Variants in CLPX observed in about 807,000 individuals in gnomAD.
CLPX encodes caseinolytic mitochondrial matrix peptidase chaperone subunit X, also known as ATP-dependent clpX-like chaperone, mitochondrial.
A neutral mutation model predicts 76.4 loss-of-function variants in CLPX; 34 were observed. The observed-to-expected ratio is 0.45, with a 90% confidence interval of 0.34 to 0.59. The LOEUF is 0.59. Ranked by LOEUF, CLPX falls within the 20% of genes least tolerant of loss-of-function variation. CLPX has a pLI of 0.01. For missense variants in CLPX, 613 were observed against 757.0 expected (o/e 0.81, Z 2.23); for synonymous variants, 248 against 270.9 (o/e 0.92, Z 0.83).
Position 65,148,472 on chromosome 15 carries a change from G to A in CLPX, c.*2351C>T, listed in dbSNP as rs577303643. 1.3e-5 allele frequency: 2 copies of A among 152,204 alleles called. No homozygotes were observed. Among genetic ancestry groups the A allele is most frequent in the South Asian group, 2.1e-4 (1 of 4,824 alleles). 9.4% of individuals were successfully genotyped at this position (152,204 alleles called of 1,614,324 possible). ...AAGATAATGAACAAAGTTATAATAT[G>A]TAAGACTTCCTGGGAAGAACTTGAA... is the stretch of plus-strand genomic sequence containing the variant. On this transcript the variant is annotated 3_prime_UTR_variant, in exon 14 of 14. Transcript: ENST00000300107.
rs771233943 is a variant in CLPX at position 65,154,964 on chromosome 15, G to A, written c.1429C>T (p.Arg477Trp). 34 of 1,613,914 alleles carry A rather than the reference G, an allele frequency of 2.1e-5. No individual in the cohort carries two copies. The highest frequency in any genetic ancestry group is 1.5e-4 in the African/African-American group (11 of 74,872). ...NTHQDIEEKD[R>W]LLRHVEARDL... The stretch of plus-strand genomic sequence containing the variant: ...CTGGCTTCCACATGACGCAATAACC[G>A]ATCTTTTTCTTCAATGTCTTGGTGA... The change falls in exon 11 of 14, where the codon CGG (arginine) becomes TGG (tryptophan). Residue 477 changes from arginine to tryptophan, a missense_variant. Arg to Trp is a moderately radical substitution (Grantham distance 101). Around this residue, in one of 2 missense-constraint regions of CLPX, gnomAD observed 450 missense variants for 638.6 expected, o/e 0.70. Coordinates refer to ENST00000300107, the MANE Select transcript of CLPX (RefSeq NM_006660.5).
intron 11 of CLPX, among the ~76,000 whole-genome samples, chr15:65,154,080 G>A (rs2087757777): frequency 6.6e-6 from 1 of 152,178 alleles, no homozygotes; most frequent in African/African-American, 2.4e-5. Context: ...AAGCAAGGGA[G>A]TAAAAACATT....
chr15:65,157,984 T>G, intron 7 of CLPX, 74 bp from the exon 8 acceptor site: 1 of 1,282,830 alleles, frequency 7.8e-7, no homozygotes, highest in Non-Finnish European at 1.1e-6. Context: ...AAATGCAAAA[T>G]AAATTTTAGT....
At chr15:65,184,282 C>G (rs539303765) in intron 1 of CLPX, 167 of 152,356 alleles carry the variant, frequency 1.1e-3, no homozygotes, top group African/African-American at 3.0e-3. Context: ...TTTCCAGACT[C>G]TCTTGGCTGG....
chr15:65,152,442 G>T lies in CLPX; in HGVS notation c.1799C>A (p.Pro600Gln). 1 of 1,532,386 alleles carries T rather than the reference G, an allele frequency of 6.5e-7. No individual in the cohort carries two copies. The highest frequency in any genetic ancestry group is 8.8e-7 in the Non-Finnish European group (1 of 1,135,126). The allele number at this position is 1,532,386 out of a possible 1,614,324, so 94.9% of individuals were successfully genotyped here. A position where few individuals can be genotyped will look rare whatever the true frequency, so the allele number is the denominator to read the frequency against. Residue 600 changes from proline to glutamine, a missense_variant, in exon 13 of 14, where the codon CCA becomes CAA. Physicochemically the swap from Pro to Gln is moderately conservative, Grantham distance 76. Transcript: ENST00000300107. ...AAATACACTTTACCGGATGTATCCT[G>T]GTTCCTTTTTTCCTTCTACTACTTC... ...DKEVVEGKKE[P>Q]GYIRAPTKES...
intron 3 of CLPX, among the ~76,000 whole-genome samples, chr15:65,175,412 C>T (rs2140644169): frequency 6.6e-6 from 1 of 152,244 alleles, no homozygotes; most frequent in Middle Eastern, 3.4e-3. Flanking sequence ...GAGGCTGGCA[C>T]TTGAATCCAG....
At position 65,180,147 on chromosome 15, in the gene CLPX, G is replaced by C; in HGVS notation, c.137C>G (p.Thr46Ser). Residue 46 changes from threonine to serine, a missense_variant, in exon 2 of 14, where the codon ACT becomes AGT. Around this residue, in one of 2 missense-constraint regions of CLPX, gnomAD observed 163 missense variants for 118.4 expected, o/e 1.38. Transcript: ENST00000300107. The stretch of plus-strand genomic sequence containing the variant: ...AAGAGGAGCTCTTTGCAGAATCTGA[G>C]TTTCAAATGTCCCAAGCCTTCCTAA... Reference protein sequence around the residue: ...SVLGRLGTFETQILQRAPLRS... With the variant: ...SVLGRLGTFESQILQRAPLRS... 1 of 1,612,488 alleles carries C rather than the reference G, an allele frequency of 6.2e-7. No homozygotes were observed. The highest frequency in any genetic ancestry group is 8.5e-7 in the Non-Finnish European group (1 of 1,179,062).
At chr15:65,173,199 G>A (rs1000246228) in intron 3 of CLPX, among the ~76,000 whole-genome samples, 1 of 151,868 alleles carries the variant, frequency 6.6e-6, no homozygotes, top group African/African-American at 2.4e-5. Context: ...GTGAAATCTT[G>A]TCTCTACTAA....
rs2087796499 is a variant in CLPX at position 65,156,892 on chromosome 15, C to T, written c.1098G>A (p.Val366=). Reference sequence around the variant, plus strand: ...CATCCCGTAATTGATGAATGCCTGGCACACTGCCAATCTTATCTACTTCAT... The same window carrying T: ...CATCCCGTAATTGATGAATGCCTGGTACACTGCCAATCTTATCTACTTCAT... The part of the protein sequence containing the change: ...FLDEVDKIGS[V]PGIHQLRDVG... The change falls in exon 9 of 14, where the codon GTG becomes GTA. Residue 366 remains valine (V), a synonymous_variant. Coordinates refer to ENST00000300107, the MANE Select transcript of CLPX (RefSeq NM_006660.5). 1.5e-5 allele frequency: 24 copies of T among 1,613,206 alleles called. No homozygotes were observed. The highest frequency in any genetic ancestry group is 2.0e-5 in the Non-Finnish European group (24 of 1,179,602).
chr15:65,171,894 A>C (rs1267150208), intron 3 of CLPX, among the ~76,000 whole-genome samples: 1 of 152,254 alleles, frequency 6.6e-6, no homozygotes, highest in African/African-American at 2.4e-5. Context: ...ACAATTTTAC[A>C]CTGACATATT....
intron 3 of CLPX, among the ~76,000 whole-genome samples, chr15:65,168,383 C>CAAAAAAAAAAAAAAA (rs71136319): frequency 2.8e-5 from 1 of 35,660 alleles, no homozygotes; most frequent in Non-Finnish European, 4.5e-5. Context: ...GACTCTGTCT[C>CAAAAAAAAAAAAAAA]AAAAAAAAAA....
chr15:65,156,665 T>C (rs768011137), intron 9 of CLPX, 179 bp downstream of exon 9: 6 of 431,354 alleles, frequency 1.4e-5, no homozygotes, highest in Non-Finnish European at 2.1e-5. Context: ...TAATTTGTTA[T>C]TTCAAATTGT....
chr15:65,183,572 G>A (rs2088211406), intron 1 of CLPX, among the ~76,000 whole-genome samples: 1 of 149,628 alleles, frequency 6.7e-6, no homozygotes, highest in African/African-American at 2.5e-5. Flanking sequence ...AAGGAAGGAA[G>A]GAAGGAAGGA....
In CLPX at chr15:65,180,086, T is replaced by C; in HGVS notation, c.198A>G (p.Ser66=). The C allele has an allele frequency of 6.2e-7, 1 of 1,611,506 alleles. No homozygotes were observed. Among genetic ancestry groups the C allele is most frequent in the Non-Finnish European group, 8.5e-7 (1 of 1,178,712 alleles). Residue 66 remains serine (S), a synonymous_variant, in exon 2 of 14, where the codon TCA becomes TCG. Transcript: ENST00000300107. The stretch of plus-strand genomic sequence containing the variant: ...AACCATCTTTACTTATCCCATCTTT[T>C]GAGGCAAAGTATGCTGGTGTTTCTG... ...SFTETPAYFA[S]KDGISKDGSG...
Position 65,150,725 on chromosome 15 carries a change from A to C in CLPX, c.*98T>G, listed in dbSNP as rs73475043. On this transcript the variant is annotated 3_prime_UTR_variant, in exon 14 of 14. Transcript: ENST00000300107. ...GCTTCTCTGACCATGTATGATATCC[A>C]AGATAGATCCAATGCCTTTAATATC... The C allele has an allele frequency of 1.9e-3, 1,377 of 743,450 alleles. 9 individuals carry two copies. In the African/African-American group the frequency reaches 0.021, roughly 11 times the overall value. 46.1% of individuals were successfully genotyped at this position (743,450 alleles called of 1,614,324 possible). A position where few individuals can be genotyped will look rare whatever the true frequency, so the allele number is the denominator to read the frequency against.
rs575226834 is a variant in CLPX, at chr15:65,170,444, G to GA, written c.359-3660dup. 2.0e-3 allele frequency among the ~76,000 whole-genome samples: 308 copies of GA among 152,038 alleles called. 1 individual carries two copies. Among genetic ancestry groups the GA allele is most frequent in the African/African-American group, 6.6e-3 (273 of 41,488 alleles). Reference sequence around the variant, plus strand: ...TACGTCTTTACAAACTAATCTAAATGAAAAAAGTAGACAATTCCATATTAA... The same window carrying GA: ...TACGTCTTTACAAACTAATCTAAATGAAAAAAAGTAGACAATTCCATATTAA... On this transcript the variant is annotated intron_variant, in intron 3 of 13. Coordinates refer to ENST00000300107, the MANE Select transcript of CLPX (RefSeq NM_006660.5).
chr15:65,182,113 C>A (rs1466161563), intron 1 of CLPX, among the ~76,000 whole-genome samples: 3 of 138,592 alleles, frequency 2.2e-5, no homozygotes, highest in Non-Finnish European at 4.6e-5. Flanking sequence ...ACAGAGTCTC[C>A]GTCTCAAAAA....
intron 5 of CLPX, among the ~76,000 whole-genome samples, chr15:65,163,506 C>A (rs1483520403): frequency 1.3e-5 from 2 of 151,898 alleles, no homozygotes; most frequent in African/African-American, 4.8e-5. Flanking sequence ...GTCTGGCCAA[C>A]AAAACAAAAA....
intron 13 of CLPX, among the ~76,000 whole-genome samples, chr15:65,151,138 A>AG (rs2087713768): frequency 6.6e-6 from 1 of 152,038 alleles, no homozygotes; most frequent in South Asian, 2.1e-4. Context: ...TGAGGTCAGG[A>AG]GTTCGAGACC....
Sources: gnomAD v4.1 joint callset for allele counts (sites outside exome capture counted in the v4.1 genomes callset) on GRCh38, gnomAD v4.1.1 for gene constraint, gnomAD v4.1.1 regional missense constraint, MANE v1.5 for transcripts, NCBI Gene and HGNC (gene_info 2026-07-23, HGNC 2026-07-21) for gene names.